Variants in CNTNAP2 observed in about 807,000 individuals in gnomAD.
CNTNAP2 encodes the protein contactin-associated protein-like 2.
In CNTNAP2, 98 loss-of-function variants were observed where a neutral mutation model predicts 155.2. The ratio of observed to expected loss-of-function variants is 0.63; its 90% CI spans 0.54 to 0.75. The LOEUF (loss-of-function observed/expected upper bound fraction) is 0.75, where lower values mean the gene tolerates loss of function less well. Among genes scored for constraint, CNTNAP2 ranks in the 30% least tolerant of loss-of-function variants. The pLI is 0.00. For synonymous variants in CNTNAP2, 651 were observed against 631.2 expected, an observed-to-expected ratio of 1.03 and a Z score of -0.47; for missense variants, 1,727 against 1,688.1, an observed-to-expected ratio of 1.02 and a Z score of -0.40.
chr7:146,708,406 C>G (rs965182560), intron 1 of CNTNAP2, among the ~76,000 whole-genome samples: 1 of 151,584 alleles, frequency 6.6e-6, no homozygotes, highest in African/African-American at 2.4e-5. Context: ...TTGTGGTTCT[C>G]TCTTAGGAGA....
intron 1 of CNTNAP2, among the ~76,000 whole-genome samples, chr7:146,768,075 A>G (rs1802228881): frequency 6.6e-6 from 1 of 152,122 alleles, no homozygotes; most frequent in African/African-American, 2.4e-5. Context: ...TCCACATATT[A>G]TTAAAGAAAA....
intron 2 of CNTNAP2, among the ~76,000 whole-genome samples, chr7:146,822,949 A>G (rs1253434734): frequency 9.1e-6 from 1 of 110,242 alleles, no homozygotes; most frequent in African/African-American, 3.6e-5. Flanking sequence ...ATTCTTCAGC[A>G]TATTTACATG....
chr7:147,023,599 C>A (rs56397784), intron 3 of CNTNAP2, among the ~76,000 whole-genome samples: 6,969 of 152,200 alleles, frequency 0.046, 193 homozygotes, highest in African/African-American at 0.072. Flanking sequence ...CCTCCTCAAC[C>A]CCTAGCAACC....
At chr7:146,695,258 T>C (rs929736419) in intron 1 of CNTNAP2, among the ~76,000 whole-genome samples, 1 of 152,142 alleles carries the variant, frequency 6.6e-6, no homozygotes, top group African/African-American at 2.4e-5. Context: ...TAGAAGTTGT[T>C]CCCCTTTATG....
chr7:147,230,374 C>A (rs1207705690), intron 8 of CNTNAP2, among the ~76,000 whole-genome samples: 2 of 152,164 alleles, frequency 1.3e-5, no homozygotes, highest in African/African-American at 4.8e-5. Context: ...TCTCCTGCCT[C>A]AGCCTCCTGA....
chr7:147,841,808 A>C (rs978285743), intron 13 of CNTNAP2, among the ~76,000 whole-genome samples: 2 of 152,202 alleles, frequency 1.3e-5, no homozygotes, highest in Non-Finnish European at 2.9e-5. Flanking sequence ...GTGTTGATCA[A>C]TTATGTATTT....
intron 1 of CNTNAP2, among the ~76,000 whole-genome samples, chr7:146,354,655 TCCA>T (rs1794971648): frequency 6.6e-6 from 1 of 152,104 alleles, no homozygotes; most frequent in Non-Finnish European, 1.5e-5. Flanking sequence ...CCTTAGGTGA[TCCA>T]CCCACCTCAG....
At chr7:147,635,077 G>T (rs1795152640) in intron 12 of CNTNAP2, among the ~76,000 whole-genome samples, 2 of 152,074 alleles carry the variant, frequency 1.3e-5, no homozygotes, top group African/African-American at 4.8e-5. Flanking sequence ...TTTTCTCAGT[G>T]AAGCCTTTTG....
At chr7:146,715,133 G>A (rs1178573274) in intron 1 of CNTNAP2, among the ~76,000 whole-genome samples, 1 of 152,008 alleles carries the variant, frequency 6.6e-6, no homozygotes, top group Non-Finnish European at 1.5e-5. Flanking sequence ...GAGTTCGAGA[G>A]TAGCTTGGCC....
chr7:147,265,691 G>A lies in CNTNAP2; in HGVS notation c.1349-34450G>A, dbSNP rs116636074. Among the ~76,000 whole-genome samples, 966 of 152,242 alleles carry A rather than the reference G, an allele frequency of 6.3e-3. 8 individuals are homozygous for A. The highest frequency in any genetic ancestry group is 0.022 in the African/African-American group (916 of 41,550). On this transcript the variant is annotated intron_variant, in intron 8 of 23. Transcript: ENST00000361727. ...CTTTGTTAAATGGGTCCTGGATCCCGTGCCGCCCTGACTGGGTGAGACTTC... is the reference window on the plus strand; with the variant it reads ...CTTTGTTAAATGGGTCCTGGATCCCATGCCGCCCTGACTGGGTGAGACTTC...
chr7:147,734,858 T>A (rs1344270924), intron 13 of CNTNAP2, among the ~76,000 whole-genome samples: 2 of 152,224 alleles, frequency 1.3e-5, no homozygotes, highest in Non-Finnish European at 2.9e-5. Flanking sequence ...GGATCAGTGG[T>A]GATATCCCCT....
At chr7:147,955,088 TG>T (rs1329841240) in intron 14 of CNTNAP2, among the ~76,000 whole-genome samples, 3 of 152,214 alleles carry the variant, frequency 2.0e-5, no homozygotes, top group African/African-American at 7.2e-5. Context: ...CCAAGTTCAC[TG>T]TAGGGAAAAT....
At chr7:148,007,271 T>C (rs915910889) in intron 15 of CNTNAP2, among the ~76,000 whole-genome samples, 1 of 145,822 alleles carries the variant, frequency 6.9e-6, no homozygotes, top group Non-Finnish European at 1.5e-5. Context: ...TTCGTTGTAC[T>C]TGGGGGATTA....
chr7:146,119,219 T>C (rs1797528880), intron 1 of CNTNAP2, among the ~76,000 whole-genome samples: 1 of 152,174 alleles, frequency 6.6e-6, no homozygotes, highest in East Asian at 1.9e-4. Context: ...AAAACTATCA[T>C]TTTTCTTTGG....
At chr7:146,290,902 A>G (rs1800418715) in intron 1 of CNTNAP2, among the ~76,000 whole-genome samples, 1 of 152,192 alleles carries the variant, frequency 6.6e-6, no homozygotes, top group Non-Finnish European at 1.5e-5. Context: ...AAAGCATTGG[A>G]GTGAAGTAGC....
At chr7:148,141,153 T>A (rs1052131699) in intron 16 of CNTNAP2, among the ~76,000 whole-genome samples, 5 of 152,184 alleles carry the variant, frequency 3.3e-5, no homozygotes. Flanking sequence ...CCTTTAGCAG[T>A]TTTTTATGTA....
chr7:148,354,881 C>T lies in CNTNAP2; in HGVS notation c.3476-28768C>T, dbSNP rs866969906. On this transcript the variant is annotated intron_variant, in intron 21 of 23. Transcript: ENST00000361727. ...CACACACCCCACCCTGGGCTCGTGG[C>T]GGGACTCTGGCTCTGGCCAACATGG... Among the ~76,000 whole-genome samples the T allele has an allele frequency of 7.9e-5, 12 of 152,156 alleles. 1 individual carries two copies. The highest frequency in any genetic ancestry group is 6.8e-3 in the Middle Eastern group (2 of 294).
chr7:147,363,582 T>C (rs1796179655), intron 9 of CNTNAP2, among the ~76,000 whole-genome samples: 1 of 152,314 alleles, frequency 6.6e-6, no homozygotes. Flanking sequence ...TTCATGGATC[T>C]GTATAAATCT....
intron 1 of CNTNAP2, among the ~76,000 whole-genome samples, chr7:146,423,306 G>A (rs2129114641): frequency 6.6e-6 from 1 of 151,848 alleles, no homozygotes; most frequent in South Asian, 2.1e-4. Context: ...AGATTTTTTT[G>A]TTTCCTTAGC....
Sources: allele counts gnomAD v4.1 joint callset (sites outside exome capture counted in the v4.1 genomes callset), GRCh38; gene constraint gnomAD v4.1.1; transcripts MANE v1.5; gene names NCBI Gene and HGNC (gene_info 2026-07-23, HGNC 2026-07-21).